Variants in COL25A1 observed in about 807,000 individuals in gnomAD.
The protein encoded by COL25A1 is collagen alpha-1(XXV) chain.
Under a neutral mutation model 128.4 loss-of-function variants are expected in COL25A1, and 103 were observed. That is an observed-to-expected ratio of 0.80 (90% CI 0.68 to 0.94). The LOEUF (loss-of-function observed/expected upper bound fraction) is 0.94. Among genes scored for constraint, COL25A1 ranks in the 40% least tolerant of loss-of-function variants. The pLI, the probability that COL25A1 is intolerant of heterozygous loss-of-function variation, is 0.00. For synonymous variants in COL25A1, 279 were observed against 277.2 expected (o/e 1.01, Z -0.06); for missense variants, 745 against 840.0 (o/e 0.89, Z 1.40).
chr4:109,123,936 AC>A (rs1768350575), intron 3 of COL25A1, among the ~76,000 whole-genome samples: 1 of 152,084 alleles, frequency 6.6e-6, no homozygotes, highest in African/African-American at 2.4e-5. Flanking sequence ...AAGTTGAGAA[AC>A]AGATACATAA....
intron 16 of COL25A1, among the ~76,000 whole-genome samples, chr4:108,893,255 G>A (rs1453099982): frequency 2.6e-5 from 4 of 152,184 alleles, no homozygotes; most frequent in Non-Finnish European, 5.9e-5. Flanking sequence ...TGAAGGCAGA[G>A]CTTTTGAACC....
chr4:108,855,614 A>T (rs1736397864), intron 24 of COL25A1, among the ~76,000 whole-genome samples: 1 of 152,102 alleles, frequency 6.6e-6, no homozygotes, highest in South Asian at 2.1e-4. Context: ...GCTAGTTTGT[A>T]TTTTTTTAAA....
chr4:109,157,746 T>C (rs1168623016), intron 3 of COL25A1, among the ~76,000 whole-genome samples: 1 of 152,216 alleles, frequency 6.6e-6, no homozygotes. Flanking sequence ...AAGACCACCA[T>C]CTATATATAA....
At chr4:108,859,504 G>C (rs2125788199) in intron 24 of COL25A1, 152 bp downstream of exon 24, 1 of 542,810 alleles carries the variant, frequency 1.8e-6, no homozygotes, top group Non-Finnish European at 3.3e-6. Context: ...GCACAGAGAA[G>C]GGGATGAGTT....
At chr4:109,233,018 T>C (rs989489949) in intron 3 of COL25A1, among the ~76,000 whole-genome samples, 1 of 152,176 alleles carries the variant, frequency 6.6e-6, no homozygotes, top group Admixed American at 6.6e-5. Context: ...AATGATAGAA[T>C]TGGACCAAAT....
chr4:109,264,685 T>C (rs1236211803), intron 3 of COL25A1, among the ~76,000 whole-genome samples: 1 of 152,172 alleles, frequency 6.6e-6, no homozygotes, highest in Non-Finnish European at 1.5e-5. Context: ...GTCTGAGCCA[T>C]TTTTAATTGG....
At chr4:109,077,542 G>A (rs1050657914) in intron 3 of COL25A1, among the ~76,000 whole-genome samples, 9 of 151,184 alleles carry the variant, frequency 6.0e-5, no homozygotes, top group Admixed American at 4.6e-4. Context: ...GCAGGTACTA[G>A]GCCTAAAGGC....
chr4:109,283,096 T>A (rs780554113), intron 3 of COL25A1, among the ~76,000 whole-genome samples: 13 of 152,172 alleles, frequency 8.5e-5, no homozygotes, highest in Non-Finnish European at 1.5e-4. Context: ...CTAAGCAGCA[T>A]TAAGTAGAGA....
chr4:109,262,791 A>G lies in COL25A1; in HGVS notation c.367+37792T>C, dbSNP rs533742268. Among the ~76,000 whole-genome samples, 10 of 152,286 alleles carry G rather than the reference A, an allele frequency of 6.6e-5. No individual in the cohort carries two copies. The East Asian group carries it at 1.9e-3, about 29-fold the overall frequency. ...TACAAAGTGGTTTTAAGTTAAGCAC[A>G]ATAGTATTTTATTAGAGAAAATAAG... is the stretch of plus-strand genomic sequence containing the variant. On this transcript the variant is annotated intron_variant, in intron 3 of 37. Coordinates refer to ENST00000399132, the MANE Select transcript of COL25A1 (RefSeq NM_198721.4).
chr4:108,873,036 T>C (rs1189538755), intron 19 of COL25A1, among the ~76,000 whole-genome samples: 2 of 151,958 alleles, frequency 1.3e-5, no homozygotes, highest in East Asian at 1.9e-4. Flanking sequence ...TGGACTATAG[T>C]TGTGCATCAC....
chr4:109,021,170 C>T (rs186694236), intron 5 of COL25A1, among the ~76,000 whole-genome samples: 9 of 152,270 alleles, frequency 5.9e-5, no homozygotes, highest in Non-Finnish European at 7.4e-5. Flanking sequence ...ATCATGTCTG[C>T]GGAATGCTCA....
intron 3 of COL25A1, among the ~76,000 whole-genome samples, chr4:109,070,875 T>C (rs1196411208): frequency 6.6e-6 from 1 of 152,148 alleles, no homozygotes; most frequent in Admixed American, 6.5e-5. Flanking sequence ...TCATCCTTTT[T>C]TATGGCTGCA....
intron 3 of COL25A1, among the ~76,000 whole-genome samples, chr4:109,253,259 G>A (rs1459315073): frequency 2.6e-5 from 4 of 152,184 alleles, no homozygotes; most frequent in African/African-American, 9.6e-5. Context: ...GATTATGGAG[G>A]CTGAAATGTT....
chr4:109,042,836 G>C (rs945606129), intron 5 of COL25A1, among the ~76,000 whole-genome samples: 7 of 152,150 alleles, frequency 4.6e-5, no homozygotes, highest in Non-Finnish European at 1.0e-4. Context: ...GATGATTTGC[G>C]AGTTTGTTTT....
At chr4:109,036,676 C>T (rs1759390148) in intron 5 of COL25A1, among the ~76,000 whole-genome samples, 1 of 152,190 alleles carries the variant, frequency 6.6e-6, no homozygotes, top group Non-Finnish European at 1.5e-5. Flanking sequence ...TAGTTCCACT[C>T]TAAGGGATGG....
rs555017579 is a variant in COL25A1 at position 108,824,919 on chromosome 4, T to C, written c.1791+277A>G. ...CATATTTTTCATAAATAGGTCATGC[T>C]GATGTTAAGAGTACCCTCAATTTGG... On this transcript the variant is annotated intron_variant, in intron 34 of 37. Coordinates refer to ENST00000399132, the MANE Select transcript of COL25A1 (RefSeq NM_198721.4). Among the ~76,000 whole-genome samples the C allele has an allele frequency of 1.1e-3, 165 of 152,328 alleles. 1 individual carries two copies. Among genetic ancestry groups the C allele is most frequent in the African/African-American group, 3.8e-3 (157 of 41,580 alleles).
rs1197427468 is a variant in COL25A1 at position 108,869,223 on chromosome 4, A to AAACT, written c.1021-74_1021-73insAGTT. The AAACT allele has an allele frequency of 1.9e-5, 10 of 516,792 alleles. No individual in the cohort carries two copies. In the East Asian group the frequency reaches 6.6e-4, roughly 34 times the overall value. The allele number at this position is 516,792 out of a possible 1,614,324, so 32.0% of individuals were successfully genotyped here. On this transcript the variant is annotated intron_variant, in intron 19 of 37. Coordinates refer to ENST00000399132, the MANE Select transcript of COL25A1 (RefSeq NM_198721.4). ...AAATAAATAAATAAATAAATAAATAAAAACTAAACTCATTTTCTTCTACTG... is the reference window on the plus strand; with the variant it reads ...AAATAAATAAATAAATAAATAAATAAAACTAAACTAAACTCATTTTCTTCTACTG...
chr4:109,109,794 G>C (rs961712300), intron 3 of COL25A1, among the ~76,000 whole-genome samples: 5 of 152,148 alleles, frequency 3.3e-5, no homozygotes, highest in African/African-American at 1.2e-4. Flanking sequence ...CCACATGTGA[G>C]CAGTTCCAGA....
At chr4:108,894,381 G>T (rs748354703) in intron 16 of COL25A1, among the ~76,000 whole-genome samples, 1 of 151,990 alleles carries the variant, frequency 6.6e-6, no homozygotes, top group Non-Finnish European at 1.5e-5. Flanking sequence ...GAAAAAAACT[G>T]CCCTCGGTGT....
Sources: allele counts gnomAD v4.1 joint callset (sites outside exome capture counted in the v4.1 genomes callset), GRCh38; gene constraint gnomAD v4.1.1; transcripts MANE v1.5; gene names NCBI Gene and HGNC (gene_info 2026-07-23, HGNC 2026-07-21).